The following AK5 variants were observed in gnomAD, a reference collection of about 807,000 sequenced individuals.
AK5 encodes adenylate kinase 5.
A neutral mutation model predicts 69.5 loss-of-function variants in AK5; 27 were observed. That is an observed-to-expected ratio of 0.39 (90% confidence interval 0.29 to 0.54). The LOEUF (loss-of-function observed/expected upper bound fraction) is 0.54. AK5 is among the 20% of genes least tolerant of loss of function. The probability of loss-of-function intolerance (pLI) is 0.71; values close to 1 mark genes in which losing one functional copy is unlikely to be tolerated. For missense variants in AK5, 531 were observed against 700.4 expected (o/e 0.76, Z 2.73); for synonymous variants, 260 against 244.4 (o/e 1.06, Z -0.60).
At chr1:77,351,275 G>T (rs1444601669) in intron 6 of AK5, among the ~76,000 whole-genome samples, 1 of 152,108 alleles carries the variant, frequency 6.6e-6, no homozygotes, top group African/African-American at 2.4e-5. Flanking sequence ...CACACCTGCA[G>T]TCCCGGCTAC....
chr1:77,367,854 A>AACATATGTT (rs1557534379), intron 6 of AK5, among the ~76,000 whole-genome samples: 18 of 2,206 alleles, frequency 8.2e-3, no homozygotes, highest in African/African-American at 0.028. Context: ...TATTATATAT[A>AACATATGTT]ATATATAATA....
intron 12 of AK5, among the ~76,000 whole-genome samples, chr1:77,528,507 T>C (rs999634861): frequency 1.3e-5 from 2 of 152,222 alleles, no homozygotes; most frequent in Admixed American, 1.3e-4. Context: ...CCTTGGACAC[T>C]GCATATGACA....
At chr1:77,337,528 T>A (rs2100372338) in intron 5 of AK5, among the ~76,000 whole-genome samples, 1 of 152,308 alleles carries the variant, frequency 6.6e-6, no homozygotes, top group African/African-American at 2.4e-5. Context: ...TTTTAAATTA[T>A]ATCTTTTATT....
chr1:77,312,874 T>C (rs1261803965), intron 5 of AK5, among the ~76,000 whole-genome samples: 1 of 152,084 alleles, frequency 6.6e-6, no homozygotes, highest in East Asian at 1.9e-4. Flanking sequence ...TATATTCACT[T>C]CCATGTGATT....
intron 5 of AK5, among the ~76,000 whole-genome samples, chr1:77,332,402 CT>C (rs777553446): frequency 0.017 from 2,436 of 144,172 alleles, 36 homozygotes; most frequent in South Asian, 0.06. Flanking sequence ...CTAAATTTTT[CT>C]TTTTTTTTTT....
rs148591187 is a variant in AK5, at chr1:77,343,765, T to C, written c.891+3197T>C. Among the ~76,000 whole-genome samples, 52 of 152,356 alleles carry C rather than the reference T, an allele frequency of 3.4e-4. No individual in the cohort carries two copies. In the East Asian group the frequency reaches 9.8e-3, roughly 29 times the overall value. On this transcript the variant is annotated intron_variant, in intron 6 of 13. Coordinates refer to ENST00000354567, the MANE Select transcript of AK5 (RefSeq NM_174858.3). Reference sequence around the variant, plus strand: ...AATATTGTAAGGGTAAATGACATGATTGATATTATTGTACAGTTTTTATAT... The same window carrying C: ...AATATTGTAAGGGTAAATGACATGACTGATATTATTGTACAGTTTTTATAT...
intron 6 of AK5, among the ~76,000 whole-genome samples, chr1:77,362,293 T>C (rs574739773): frequency 3.5e-4 from 54 of 152,326 alleles, no homozygotes; most frequent in African/African-American, 1.0e-3. Flanking sequence ...GTTTTTGCAT[T>C]CTTTTGATTT....
At chr1:77,305,846 C>A (rs910267481) in intron 5 of AK5, among the ~76,000 whole-genome samples, 2 of 151,930 alleles carry the variant, frequency 1.3e-5, no homozygotes, top group African/African-American at 4.8e-5. Context: ...GTTCTATATA[C>A]ATTTTAGAGT....
chr1:77,489,825 T>A (rs764825294), intron 10 of AK5, among the ~76,000 whole-genome samples: 1 of 152,172 alleles, frequency 6.6e-6, no homozygotes, highest in Non-Finnish European at 1.5e-5. Flanking sequence ...TCTTTCCCAT[T>A]TCCCGCCACA....
intron 13 of AK5, among the ~76,000 whole-genome samples, chr1:77,546,895 A>T (rs927352119): frequency 3.3e-5 from 5 of 152,220 alleles, no homozygotes; most frequent in African/African-American, 1.2e-4. Flanking sequence ...AAGGATGAAG[A>T]GAAACTCAAG....
intron 10 of AK5, among the ~76,000 whole-genome samples, chr1:77,502,567 A>T (rs1304606217): frequency 1.3e-5 from 2 of 152,326 alleles, no homozygotes; most frequent in East Asian, 3.9e-4. Context: ...TCTATGACAG[A>T]GTCTAATGTA....
At chr1:77,400,109 G>A (rs1649106758) in intron 6 of AK5, among the ~76,000 whole-genome samples, 1 of 152,186 alleles carries the variant, frequency 6.6e-6, no homozygotes, top group Non-Finnish European at 1.5e-5. Context: ...AGAAGATAAA[G>A]AATATTTCAG....
intron 6 of AK5, among the ~76,000 whole-genome samples, chr1:77,359,251 C>T (rs1255292492): frequency 7.0e-6 from 1 of 143,462 alleles, no homozygotes; most frequent in Non-Finnish European, 1.5e-5. Flanking sequence ...GAGACTCTGT[C>T]TCAAAAAAAA....
chr1:77,376,565 A>G (rs1570467234), intron 6 of AK5, among the ~76,000 whole-genome samples: 1 of 152,068 alleles, frequency 6.6e-6, no homozygotes, highest in East Asian at 1.9e-4. Context: ...TTTCAAAAAG[A>G]ACCATTAACA....
intron 8 of AK5, among the ~76,000 whole-genome samples, chr1:77,456,724 ATGGG>A (rs1653507611): frequency 6.6e-6 from 1 of 152,152 alleles, no homozygotes; most frequent in South Asian, 2.1e-4. Flanking sequence ...ACCATGCAGA[ATGGG>A]GAAGGAGTGA....
At position 77,558,885 on chromosome 1, in the gene AK5, A is replaced by ACACTT. The variant is rs1392296739; in HGVS notation, c.*218_*222dup. ...TTGGGACTATATCAACCTATTCTCCACACTTCAGACAACTGTCTGCACTCA... is the reference window on the plus strand; with the variant it reads ...TTGGGACTATATCAACCTATTCTCCACACTTCACTTCAGACAACTGTCTGCACTCA... On this transcript the variant is annotated 3_prime_UTR_variant, in exon 14 of 14. Transcript: ENST00000354567. The ACACTT allele has an allele frequency of 1.9e-6, 1 of 514,414 alleles. No homozygotes were observed. The highest frequency in any genetic ancestry group is 3.6e-6 in the Non-Finnish European group (1 of 281,154). 31.9% of individuals were successfully genotyped at this position (514,414 alleles called of 1,614,324 possible). A position where few individuals can be genotyped will look rare whatever the true frequency, so the allele number is the denominator to read the frequency against.
At chr1:77,546,098 C>T (rs1570347349) in intron 13 of AK5, among the ~76,000 whole-genome samples, 1 of 152,150 alleles carries the variant, frequency 6.6e-6, no homozygotes, top group Admixed American at 6.5e-5. Context: ...TGCACCCCTG[C>T]GGTCCTGCTG....
At chr1:77,394,974 T>C (rs1246146524) in intron 6 of AK5, among the ~76,000 whole-genome samples, 1 of 152,166 alleles carries the variant, frequency 6.6e-6, no homozygotes, top group African/African-American at 2.4e-5. Context: ...AAGAGACCTT[T>C]AAATCTGCAC....
chr1:77,359,818 C>A (rs1646832059), intron 6 of AK5, among the ~76,000 whole-genome samples: 1 of 152,296 alleles, frequency 6.6e-6, no homozygotes, highest in East Asian at 1.9e-4. Flanking sequence ...CTGTCAAATA[C>A]AATGGCAGTG....
Sources: gnomAD v4.1 joint callset for allele counts (sites outside exome capture counted in the v4.1 genomes callset) on GRCh38, gnomAD v4.1.1 for gene constraint, MANE v1.5 for transcripts, NCBI Gene and HGNC (gene_info 2026-07-23, HGNC 2026-07-21) for gene names.